The following DPP4 variants were observed in gnomAD, a reference collection of about 807,000 sequenced individuals.
The protein encoded by DPP4 is dipeptidyl peptidase 4.
In DPP4, 93 loss-of-function variants were observed where a neutral mutation model predicts 122.4. That is an observed-to-expected ratio of 0.76 (90% confidence interval 0.64 to 0.90). The LOEUF is 0.90. Ranked by LOEUF, DPP4 falls within the 40% of genes least tolerant of loss-of-function variation. The pLI is 0.00. For missense variants in DPP4, 914 were observed against 907.3 expected (o/e 1.01, Z -0.09); for synonymous variants, 321 against 302.9 (o/e 1.06, Z -0.62).
At chr2:162,044,502 G>A (rs1246993777) in intron 5 of DPP4, among the ~76,000 whole-genome samples, 2 of 151,984 alleles carry the variant, frequency 1.3e-5, no homozygotes, top group African/African-American at 2.4e-5. Context: ...GTTGGTGTGT[G>A]AGTGTTGGTG....
intron 2 of DPP4, among the ~76,000 whole-genome samples, chr2:162,053,873 C>G (rs1286110498): frequency 1.3e-5 from 2 of 152,226 alleles, no homozygotes; most frequent in Admixed American, 6.5e-5. Context: ...AGAGTCCCAG[C>G]TAGGGCAATG....
At chr2:162,029,026 C>T (rs982335396) in intron 10 of DPP4, among the ~76,000 whole-genome samples, 3 of 152,192 alleles carry the variant, frequency 2.0e-5, no homozygotes, top group South Asian at 2.1e-4. Flanking sequence ...TAAAGTTCCT[C>T]ACTTAAAGAA....
At chr2:162,022,120 T>C (rs1471703837) in intron 12 of DPP4, among the ~76,000 whole-genome samples, 1 of 152,178 alleles carries the variant, frequency 6.6e-6, no homozygotes, top group African/African-American at 2.4e-5. Context: ...TGGAGTTCCT[T>C]CATCAACTCA....
chr2:161,997,872 A>G (rs1701046175), intron 23 of DPP4, among the ~76,000 whole-genome samples: 1 of 152,222 alleles, frequency 6.6e-6, no homozygotes, highest in Non-Finnish European at 1.5e-5. Flanking sequence ...TCAGAGCTGG[A>G]CAAAGTCTGA....
intron 10 of DPP4, among the ~76,000 whole-genome samples, chr2:162,026,678 C>A (rs1683339997): frequency 6.6e-6 from 1 of 152,184 alleles, no homozygotes; most frequent in Non-Finnish European, 1.5e-5. Context: ...GTGCAACTGC[C>A]ACTTTCCATG....
chr2:161,993,429 C>A, intron 25 of DPP4, 45 bp from the exon 26 acceptor site: 1 of 1,323,172 alleles, frequency 7.6e-7, no homozygotes, highest in African/African-American at 1.5e-5. Flanking sequence ...AGTCAGTACT[C>A]TTCTTAAAAA....
chr2:161,999,333 A>G (rs1559703685), intron 23 of DPP4, among the ~76,000 whole-genome samples: 1 of 152,244 alleles, frequency 6.6e-6, no homozygotes, highest in Non-Finnish European at 1.5e-5. Flanking sequence ...TAACCTACCA[A>G]AAGAGGATAA....
chr2:162,045,494 A>T (rs367766874), intron 5 of DPP4, 38 bp downstream of exon 5: 8 of 1,453,574 alleles, frequency 5.5e-6, no homozygotes, highest in Non-Finnish European at 7.7e-6. Context: ...ATACTCTTGG[A>T]TTATTTAAAT....
chr2:161,995,091 C>G, intron 24 of DPP4, 57 bp from the exon 25 acceptor site: 2 of 1,583,296 alleles, frequency 1.3e-6, no homozygotes, highest in Non-Finnish European at 1.7e-6. Context: ...TTTTCTGGTA[C>G]CAAGGGGTGG....
intron 20 of DPP4, among the ~76,000 whole-genome samples, chr2:162,010,237 C>G (rs1447686850): frequency 6.6e-6 from 1 of 152,178 alleles, no homozygotes; most frequent in South Asian, 2.1e-4. Flanking sequence ...TTTGATCAAC[C>G]TTTACAAAGT....
At chr2:162,041,719 C>T (rs539338150) in intron 5 of DPP4, among the ~76,000 whole-genome samples, 1 of 152,196 alleles carries the variant, frequency 6.6e-6, no homozygotes, top group South Asian at 2.1e-4. Context: ...CATGACAAAC[C>T]ACCATGGGTT....
rs141136302 is a variant in DPP4, at chr2:162,061,926, C to T, written c.94+11473G>A. Reference sequence around the variant, plus strand: ...GCCATGGAGCCTTCACAATGGAAAGCCAATGAACGATGTTAAGCAGAAAAG... The same window carrying T: ...GCCATGGAGCCTTCACAATGGAAAGTCAATGAACGATGTTAAGCAGAAAAG... On this transcript the variant is annotated intron_variant, in intron 2 of 25. Coordinates refer to ENST00000360534, the MANE Select transcript of DPP4 (RefSeq NM_001935.4). Among the ~76,000 whole-genome samples the T allele has an allele frequency of 9.2e-5, 14 of 152,230 alleles. No individual in the cohort carries two copies. The East Asian group carries it at 2.3e-3, about 25-fold the overall frequency.
rs1700900951 is a variant in DPP4, at chr2:161,992,975, T to C, written c.*308A>G. 7.1e-6 allele frequency: 2 copies of C among 280,722 alleles called. No homozygotes were observed. The highest frequency in any genetic ancestry group is 1.4e-5 in the Non-Finnish European group (2 of 144,360). 17.4% of individuals were successfully genotyped at this position (280,722 alleles called of 1,614,324 possible). On this transcript the variant is annotated 3_prime_UTR_variant, in exon 26 of 26. Coordinates refer to ENST00000360534, the MANE Select transcript of DPP4 (RefSeq NM_001935.4). ...AGTTAGAAAAAGATTAAAATCCTGC[T>C]CAGGGAATCTATGCAAAGCCTCCAT...
chr2:162,033,527 G>A lies in DPP4; in HGVS notation c.887+14C>T. On this transcript the variant is annotated intron_variant, in intron 10 of 25. Coordinates refer to ENST00000360534, the MANE Select transcript of DPP4 (RefSeq NM_001935.4). ...AACTGTTTACAAGCCAAGCATTCAG[G>A]ACAAGAGTCTTACCCTATCAACATA... 2 of 1,593,120 alleles carry A rather than the reference G, an allele frequency of 1.3e-6. No individual in the cohort carries two copies. The highest frequency in any genetic ancestry group is 2.7e-5 in the African/African-American group (2 of 74,124).
At chr2:162,019,340 C>T in intron 14 of DPP4, 64 bp from the exon 15 acceptor site, 2 of 1,155,244 alleles carry the variant, frequency 1.7e-6, no homozygotes, top group Non-Finnish European at 2.5e-6. Context: ...AGGCGATCCA[C>T]CGCACTCAGA....
intron 2 of DPP4, among the ~76,000 whole-genome samples, chr2:162,060,820 T>G (rs916428468): frequency 6.6e-6 from 1 of 151,926 alleles, no homozygotes; most frequent in Non-Finnish European, 1.5e-5. Flanking sequence ...TCCCAAGGGA[T>G]TTTTTTAAAA....
At position 161,995,346 on chromosome 2, in the gene DPP4, T is replaced by C; in HGVS notation, c.2079A>G (p.Glu693=). The change falls in exon 24 of 26, where the codon GAA becomes GAG. Residue 693 remains glutamate (E), a synonymous_variant. Transcript: ENST00000360534. ...YRNSTVMSRA[E]NFKQVEYLLI... ...GGAGGTACTCAACTTGTTTAAAATT[T>C]TCAGCTCTGCTCATGACTGTTGAAT... is the stretch of plus-strand genomic sequence containing the variant. 1 of 1,614,106 alleles carries C rather than the reference T, an allele frequency of 6.2e-7. No individual in the cohort carries two copies. Among genetic ancestry groups the C allele is most frequent in the Non-Finnish European group, 8.5e-7 (1 of 1,179,952 alleles).
intron 11 of DPP4, among the ~76,000 whole-genome samples, chr2:162,024,225 A>C (rs1683236413): frequency 6.6e-6 from 1 of 152,234 alleles, no homozygotes; most frequent in Non-Finnish European, 1.5e-5. Flanking sequence ...TTTGACCGTC[A>C]TCCTAGTTGG....
intron 10 of DPP4, among the ~76,000 whole-genome samples, chr2:162,026,079 T>C (rs1683322051): frequency 6.6e-6 from 1 of 152,174 alleles, no homozygotes; most frequent in Non-Finnish European, 1.5e-5. Context: ...TGTCATATTG[T>C]CATACTGAAG....
Sources: allele counts gnomAD v4.1 joint callset (sites outside exome capture counted in the v4.1 genomes callset), GRCh38; gene constraint gnomAD v4.1.1; transcripts MANE v1.5; gene names NCBI Gene and HGNC (gene_info 2026-07-23, HGNC 2026-07-21).